Variants in OSBPL6 observed in about 807,000 individuals in gnomAD.
The protein encoded by OSBPL6 is oxysterol-binding protein-related protein 6.
In OSBPL6, 49 loss-of-function variants were observed where a neutral mutation model predicts 125.8. The observed-to-expected ratio is 0.39, with a 90% confidence interval of 0.31 to 0.49. OSBPL6 has a LOEUF of 0.49. Ranked by LOEUF, OSBPL6 falls within the 20% of genes least tolerant of loss-of-function variation. OSBPL6 has a pLI of 0.88. For synonymous variants in OSBPL6, 394 were observed against 391.8 expected, an observed-to-expected ratio of 1.01 and a Z score of -0.07; for missense variants, 986 against 1,135.4, an observed-to-expected ratio of 0.87 and a Z score of 1.89.
At chr2:178,298,767 CA>C (rs1391831147) in intron 2 of OSBPL6, among the ~76,000 whole-genome samples, 1 of 151,212 alleles carries the variant, frequency 6.6e-6, no homozygotes, top group Non-Finnish European at 1.5e-5. Flanking sequence ...TTCCCACCAG[CA>C]ATGCACAAGG....
At chr2:178,259,196 C>T (rs2091979464) in intron 1 of OSBPL6, among the ~76,000 whole-genome samples, 1 of 152,124 alleles carries the variant, frequency 6.6e-6, no homozygotes, top group Non-Finnish European at 1.5e-5. Context: ...GTGCTTCCTG[C>T]CCCCTATTTT....
intron 1 of OSBPL6, among the ~76,000 whole-genome samples, chr2:178,284,454 G>A (rs1486942097): frequency 1.3e-5 from 2 of 152,142 alleles, no homozygotes; most frequent in Admixed American, 6.5e-5. Flanking sequence ...TCAGGAGGCT[G>A]AGGCAGGAGA....
intron 1 of OSBPL6, among the ~76,000 whole-genome samples, chr2:178,269,044 C>T (rs1314902952): frequency 6.6e-6 from 1 of 152,194 alleles, no homozygotes; most frequent in Non-Finnish European, 1.5e-5. Context: ...TATTGCTTTG[C>T]ATAGCTCTTG....
chr2:178,279,088 ACT>A (rs770811644), intron 1 of OSBPL6, among the ~76,000 whole-genome samples: 3 of 152,052 alleles, frequency 2.0e-5, no homozygotes, highest in Non-Finnish European at 4.4e-5. Flanking sequence ...TACATAGATA[ACT>A]CTTCTGGTTG....
intron 1 of OSBPL6, among the ~76,000 whole-genome samples, chr2:178,230,013 A>G (rs2090751152): frequency 6.6e-6 from 1 of 152,126 alleles, no homozygotes; most frequent in Non-Finnish European, 1.5e-5. Context: ...TTTTTGCTCA[A>G]CCATCACTCA....
intron 1 of OSBPL6, among the ~76,000 whole-genome samples, chr2:178,284,177 T>C (rs961257878): frequency 6.6e-6 from 1 of 152,224 alleles, no homozygotes; most frequent in African/African-American, 2.4e-5. Context: ...AATTAGAGAC[T>C]GTTCATGCGT....
intron 8 of OSBPL6, among the ~76,000 whole-genome samples, chr2:178,335,203 A>C (rs1689570722): frequency 6.6e-6 from 1 of 151,924 alleles, no homozygotes; most frequent in Non-Finnish European, 1.5e-5. Context: ...AATTATTAAA[A>C]TATTTATTAA....
chr2:178,227,193 G>A (rs1244648238), intron 1 of OSBPL6, among the ~76,000 whole-genome samples: 1 of 152,214 alleles, frequency 6.6e-6, no homozygotes, highest in African/African-American at 2.4e-5. Flanking sequence ...ATATGGCTAA[G>A]TTTTATCAGA....
chr2:178,344,195 T>C, intron 11 of OSBPL6: 1 of 1,159,762 alleles, frequency 8.6e-7, no homozygotes, highest in South Asian at 1.3e-5. Context: ...AAACTCTCCC[T>C]CTCCTTGTCT....
intron 1 of OSBPL6, among the ~76,000 whole-genome samples, chr2:178,248,967 C>A (rs2091589995): frequency 6.6e-6 from 1 of 152,080 alleles, no homozygotes; most frequent in South Asian, 2.1e-4. Context: ...GACAGAGTCT[C>A]GCTCTGATGC....
chr2:178,274,742 C>T (rs2092435985), intron 1 of OSBPL6, among the ~76,000 whole-genome samples: 1 of 152,150 alleles, frequency 6.6e-6, no homozygotes, highest in Non-Finnish European at 1.5e-5. Context: ...AAATTTCAAA[C>T]CAATATTACA....
In OSBPL6 at chr2:178,361,733, A is replaced by G; in HGVS notation, c.1205A>G (p.Lys402Arg). 3 of 1,614,194 alleles carry G rather than the reference A, an allele frequency of 1.9e-6. No homozygotes were observed. Among genetic ancestry groups the G allele is most frequent in the Non-Finnish European group, 2.5e-6 (3 of 1,180,016 alleles). Residue 402 changes from lysine (K) to arginine (R), a missense_variant, in exon 13 of 25, where the codon AAG becomes AGG. By Grantham distance (26) the Lys-to-Arg change is conservative (BLOSUM62 2). Around this residue, in one of 3 missense-constraint regions of OSBPL6, gnomAD observed 843 missense variants for 997.3 expected, o/e 0.85. Coordinates refer to ENST00000190611, the MANE Select transcript of OSBPL6 (RefSeq NM_032523.4). ...AFNSIAIEKE[K>R]LKQMVSEQDH... ...AATAGCATAGCTATAGAGAAGGAGA[A>G]GCTGAAGCAGATGGTTTCCGAGCAG... is the stretch of plus-strand genomic sequence containing the variant.
intron 1 of OSBPL6, among the ~76,000 whole-genome samples, chr2:178,267,371 A>AC (rs1559180880): frequency 1.3e-5 from 2 of 150,578 alleles, no homozygotes; most frequent in South Asian, 4.2e-4. Flanking sequence ...AAAAAAAAAA[A>AC]AAAACAAAAC....
At chr2:178,259,260 G>GT (rs1219503928) in intron 1 of OSBPL6, among the ~76,000 whole-genome samples, 1 of 152,184 alleles carries the variant, frequency 6.6e-6, no homozygotes, top group Non-Finnish European at 1.5e-5. Context: ...TGGAAAATGA[G>GT]TGACAGAAAG....
chr2:178,244,258 C>G (rs984560240), intron 1 of OSBPL6, among the ~76,000 whole-genome samples: 5 of 152,170 alleles, frequency 3.3e-5, no homozygotes, highest in Admixed American at 3.3e-4. Context: ...ACTGTCACTT[C>G]CTCTGAGAAG....
rs1220556915 is a variant in OSBPL6 at position 178,396,491 on chromosome 2, A to G, written c.*932A>G. 1 of 152,224 alleles carries G rather than the reference A, an allele frequency of 6.6e-6. No homozygotes were observed. Among genetic ancestry groups the G allele is most frequent in the East Asian group, 1.9e-4 (1 of 5,198 alleles). 9.4% of individuals were successfully genotyped at this position (152,224 alleles called of 1,614,324 possible). On this transcript the variant is annotated 3_prime_UTR_variant, in exon 25 of 25. Coordinates refer to ENST00000190611, the MANE Select transcript of OSBPL6 (RefSeq NM_032523.4). The stretch of plus-strand genomic sequence containing the variant: ...CATCAGTGTTAAAACCTTAAAAGGA[A>G]ATAACAAAAAGCATATGGAATTCCT...
chr2:178,336,452 T>C lies in OSBPL6; in HGVS notation c.790+19T>C, dbSNP rs1433868068. Reference sequence around the variant, plus strand: ...GCAGAAGGTTAGTTCTTGCCCAGTGTGGCCTGAGAGTAAGCCAAAACCAAA... The same window carrying C: ...GCAGAAGGTTAGTTCTTGCCCAGTGCGGCCTGAGAGTAAGCCAAAACCAAA... On this transcript the variant is annotated intron_variant, in intron 9 of 24. Transcript: ENST00000190611. 5 of 1,612,206 alleles carry C rather than the reference T, an allele frequency of 3.1e-6. No individual in the cohort carries two copies. The highest frequency in any genetic ancestry group is 1.7e-5 in the Admixed American group (1 of 59,672).
At chr2:178,374,511 A>G (rs556847330) in intron 15 of OSBPL6, among the ~76,000 whole-genome samples, 1 of 152,328 alleles carries the variant, frequency 6.6e-6, no homozygotes, top group African/African-American at 2.4e-5. Flanking sequence ...TTGGAGGTTA[A>G]CCGCTGACTA....
chr2:178,376,845 A>G (rs748755269), intron 15 of OSBPL6, among the ~76,000 whole-genome samples: 19 of 152,160 alleles, frequency 1.2e-4, no homozygotes, highest in Non-Finnish European at 1.8e-4. Flanking sequence ...CACACTGGAA[A>G]GAGCTGAACT....
Sources: gnomAD v4.1 joint callset for allele counts (sites outside exome capture counted in the v4.1 genomes callset) on GRCh38, gnomAD v4.1.1 for gene constraint, gnomAD v4.1.1 regional missense constraint, MANE v1.5 for transcripts, NCBI Gene and HGNC (gene_info 2026-07-23, HGNC 2026-07-21) for gene names.